JARID2: variants seen among roughly 807,000 people sequenced by gnomAD.
JARID2 encodes jumonji and AT-rich interaction domain containing 2, also known as protein Jumonji.
Under a neutral mutation model 125.6 loss-of-function variants are expected in JARID2, and 21 were observed. The ratio of observed to expected loss-of-function variants is 0.17; its 90% CI spans 0.12 to 0.24. The LOEUF (loss-of-function observed/expected upper bound fraction) is 0.24, where lower values mean the gene tolerates loss of function less well. JARID2 is among the 10% of genes least tolerant of loss of function. JARID2 has a pLI of 1.00. For missense variants in JARID2, 1,303 were observed against 1,639.6 expected, an observed-to-expected ratio of 0.79 and a Z score of 3.55; for synonymous variants, 736 against 661.6, an observed-to-expected ratio of 1.11 and a Z score of -1.73.
chr6:15,498,106 TCACCATG>T (rs967687123), intron 7 of JARID2, among the ~76,000 whole-genome samples: 4 of 152,302 alleles, frequency 2.6e-5, no homozygotes, highest in Admixed American at 2.6e-4. Context: ...TTTGGAGGGA[TCACCATG>T]CAGCCCATAG....
chr6:15,307,261 T>C (rs1022008767), intron 1 of JARID2, among the ~76,000 whole-genome samples: 1 of 151,944 alleles, frequency 6.6e-6, no homozygotes, highest in East Asian at 2.0e-4. Context: ...GAAAACATTT[T>C]TTCCTGTTGC....
At chr6:15,351,223 A>G (rs1166385125) in intron 1 of JARID2, among the ~76,000 whole-genome samples, 1 of 152,160 alleles carries the variant, frequency 6.6e-6, no homozygotes, top group African/African-American at 2.4e-5. Context: ...TTTCTGAGTA[A>G]TACCAACAGT....
chr6:15,306,328 C>CTTTTTTTTT (rs398000594), intron 1 of JARID2, among the ~76,000 whole-genome samples: 12 of 99,252 alleles, frequency 1.2e-4, no homozygotes, highest in East Asian at 6.8e-4. Flanking sequence ...AGTCATATTT[C>CTTTTTTTTT]TTTTTTTTTT....
At chr6:15,413,097 G>A (rs530943582) in intron 3 of JARID2, among the ~76,000 whole-genome samples, 5 of 130,036 alleles carry the variant, frequency 3.8e-5, no homozygotes, top group African/African-American at 5.8e-5. Context: ...TCGGCTCACC[G>A]CAACCTCTGC....
intron 4 of JARID2, among the ~76,000 whole-genome samples, chr6:15,468,161 TTC>T (rs56294341): frequency 0.03 from 4,101 of 138,712 alleles, 75 homozygotes; most frequent in South Asian, 0.066. Context: ...TACTTCTGTC[TTC>T]TCTGTCTTTT....
chr6:15,313,579 C>A (rs1276104829), intron 1 of JARID2, among the ~76,000 whole-genome samples: 1 of 152,186 alleles, frequency 6.6e-6, no homozygotes, highest in Non-Finnish European at 1.5e-5. Flanking sequence ...GGTGCCGCGG[C>A]AGCATGCTGT....
intron 1 of JARID2, among the ~76,000 whole-genome samples, chr6:15,364,136 C>G (rs1260845382): frequency 6.6e-6 from 1 of 151,584 alleles, no homozygotes; most frequent in South Asian, 2.1e-4. Context: ...TATTGTTCAA[C>G]CAAAAAAGCC....
At chr6:15,361,173 T>C (rs1245950486) in intron 1 of JARID2, among the ~76,000 whole-genome samples, 1 of 152,214 alleles carries the variant, frequency 6.6e-6, no homozygotes, top group East Asian at 1.9e-4. Context: ...ACATCTAGTC[T>C]GTCAGCCTTC....
intron 3 of JARID2, among the ~76,000 whole-genome samples, chr6:15,437,974 T>A (rs990875929): frequency 2.0e-5 from 3 of 152,108 alleles, no homozygotes; most frequent in Non-Finnish European, 4.4e-5. Context: ...AGATAGAATA[T>A]TTTTGTCAGT....
rs577433612 is a variant in JARID2 at position 15,336,218 on chromosome 6, A to G, written c.46-37899A>G. ...GTGGCTGCCTTTTCCTGAAACTGAA[A>G]AACAGGTGGGGAATCTGAGGGAGGG... On this transcript the variant is annotated intron_variant, in intron 1 of 17. Coordinates refer to ENST00000341776, the MANE Select transcript of JARID2 (RefSeq NM_004973.4). 9.8e-5 allele frequency among the ~76,000 whole-genome samples: 15 copies of G among 152,362 alleles called. No individual in the cohort carries two copies. The South Asian group carries it at 2.5e-3, about 25-fold the overall frequency.
At chr6:15,381,428 T>C (rs1313081986) in intron 2 of JARID2, among the ~76,000 whole-genome samples, 1 of 151,980 alleles carries the variant, frequency 6.6e-6, no homozygotes, top group African/African-American at 2.4e-5. Context: ...CTCTGCAAGC[T>C]GTAGGGAGAC....
At chr6:15,433,921 G>GGTGTGTGTGTGTGTGTGTGT (rs146025914) in intron 3 of JARID2, among the ~76,000 whole-genome samples, 1 of 131,312 alleles carries the variant, frequency 7.6e-6, no homozygotes, top group African/African-American at 2.9e-5. Context: ...CACTCTCCAG[G>GGTGTGTGTGTGTGTGTGTGT]GTGTGTGTGT....
intron 3 of JARID2, among the ~76,000 whole-genome samples, chr6:15,433,042 C>G (rs1767035503): frequency 6.6e-6 from 1 of 152,132 alleles, no homozygotes; most frequent in South Asian, 2.1e-4. Context: ...CTAGTATGCT[C>G]CCAAGTGATT....
At position 15,312,986 on chromosome 6, in the gene JARID2, T is replaced by C. The variant is rs559191899; in HGVS notation, c.46-61131T>C. Among the ~76,000 whole-genome samples the C allele has an allele frequency of 2.5e-3, 380 of 152,336 alleles. 1 individual carries two copies. The highest frequency in any genetic ancestry group is 3.4e-3 in the Middle Eastern group (1 of 294). On this transcript the variant is annotated intron_variant, in intron 1 of 17. Transcript: ENST00000341776. ...ACGAAAACACTGGCGTTCAGCATCT[T>C]TCCCGCAAACCGAGCTGCAGCCTCC...
At chr6:15,386,878 G>A (rs1410806390) in intron 2 of JARID2, among the ~76,000 whole-genome samples, 2 of 152,240 alleles carry the variant, frequency 1.3e-5, no homozygotes, top group East Asian at 3.8e-4. Context: ...CATTCTCAGA[G>A]TCAGACTGTC....
At chr6:15,269,278 G>T (rs71551043) in intron 1 of JARID2, among the ~76,000 whole-genome samples, 3,261 of 152,182 alleles carry the variant, frequency 0.021, 70 homozygotes, top group Non-Finnish European at 0.027. Flanking sequence ...ATTCTTGTTG[G>T]GGGGGGCGGA....
chr6:15,486,934 T>C (rs912445668), intron 5 of JARID2, among the ~76,000 whole-genome samples: 2 of 151,138 alleles, frequency 1.3e-5, no homozygotes, highest in African/African-American at 4.9e-5. Flanking sequence ...TGAGACTGGG[T>C]AATTTATAAA....
intron 6 of JARID2, among the ~76,000 whole-genome samples, chr6:15,491,304 C>T (rs1770138936): frequency 2.6e-5 from 4 of 152,206 alleles, no homozygotes; most frequent in Non-Finnish European, 5.9e-5. Context: ...GGAACCCAGG[C>T]ATCTCTTTTA....
chr6:15,354,848 CTGGGGTAT>C (rs1763544791), intron 1 of JARID2, among the ~76,000 whole-genome samples: 1 of 152,144 alleles, frequency 6.6e-6, no homozygotes, highest in Non-Finnish European at 1.5e-5. Flanking sequence ...GTTCCTTAGA[CTGGGGTAT>C]AGGTTGGTCA....
Sources: gnomAD v4.1 joint callset for allele counts (sites outside exome capture counted in the v4.1 genomes callset) on GRCh38, gnomAD v4.1.1 for gene constraint, MANE v1.5 for transcripts, NCBI Gene and HGNC (gene_info 2026-07-23, HGNC 2026-07-21) for gene names.